Variants in CADM2 observed in about 807,000 individuals in gnomAD.
CADM2 encodes the protein cell adhesion molecule 2, also known as immunoglobulin superfamily member 4D.
CADM2 carries 12 observed loss-of-function variants against 49.8 expected under a neutral mutation model. That is an observed-to-expected ratio of 0.24 (90% CI 0.15 to 0.39). CADM2 has a LOEUF of 0.39. CADM2 is among the 10% of genes least tolerant of loss of function. The pLI, the probability that CADM2 is intolerant of heterozygous loss-of-function variation, is 1.00. For missense variants in CADM2, 378 were observed against 492.3 expected, an observed-to-expected ratio of 0.77 and a Z score of 2.20; for synonymous variants, 214 against 175.4, an observed-to-expected ratio of 1.22 and a Z score of -1.74.
chr3:85,532,820 T>C (rs2061344534), intron 1 of CADM2, among the ~76,000 whole-genome samples: 1 of 152,228 alleles, frequency 6.6e-6, no homozygotes, highest in Admixed American at 6.5e-5. Context: ...TGGAATACTA[T>C]GCAGCCATAA....
At chr3:85,146,128 T>C (rs940971162) in intron 1 of CADM2, among the ~76,000 whole-genome samples, 78 of 152,198 alleles carry the variant, frequency 5.1e-4, no homozygotes, top group Non-Finnish European at 1.9e-4. Flanking sequence ...TGCGAGTTAA[T>C]ATCTGTAAAC....
intron 8 of CADM2, among the ~76,000 whole-genome samples, chr3:86,049,638 C>CATCT (rs1360852925): frequency 1.3e-5 from 2 of 152,094 alleles, no homozygotes; most frequent in African/African-American, 2.4e-5. Flanking sequence ...GCGATGCTGC[C>CATCT]ATCTGCTCAG....
intron 1 of CADM2, among the ~76,000 whole-genome samples, chr3:85,386,963 C>T (rs2034264523): frequency 6.6e-6 from 1 of 152,136 alleles, no homozygotes; most frequent in Non-Finnish European, 1.5e-5. Flanking sequence ...TTACTTGTCC[C>T]TAACTTTACC....
intron 3 of CADM2, among the ~76,000 whole-genome samples, chr3:85,820,785 T>G (rs1386887848): frequency 6.6e-6 from 1 of 152,148 alleles, no homozygotes; most frequent in Admixed American, 6.6e-5. Context: ...TTATCAGGCT[T>G]GATGGCTTAA....
intron 1 of CADM2, among the ~76,000 whole-genome samples, chr3:85,651,943 G>C (rs1366834811): frequency 6.8e-6 from 1 of 146,760 alleles, no homozygotes; most frequent in Admixed American, 6.8e-5. Flanking sequence ...TTAGCCTCCC[G>C]AGTAGCTGGG....
chr3:85,259,135 G>A (rs550745966), intron 1 of CADM2, among the ~76,000 whole-genome samples: 27 of 152,246 alleles, frequency 1.8e-4, no homozygotes, highest in Admixed American at 5.2e-4. Flanking sequence ...TCCACTTTGG[G>A]AAGTGCAGTT....
chr3:85,706,259 C>G (rs1351684397), intron 1 of CADM2, among the ~76,000 whole-genome samples: 1 of 152,128 alleles, frequency 6.6e-6, no homozygotes, highest in African/African-American at 2.4e-5. Context: ...TCATGGGTTG[C>G]TCCCAATTTA....
chr3:86,008,076 A>T (rs1731009235), intron 8 of CADM2, among the ~76,000 whole-genome samples: 1 of 152,212 alleles, frequency 6.6e-6, no homozygotes, highest in Non-Finnish European at 1.5e-5. Context: ...CCAGCTAACC[A>T]CAGCATTCTC....
intron 1 of CADM2, among the ~76,000 whole-genome samples, chr3:85,508,821 A>T (rs1320860456): frequency 8.4e-6 from 1 of 119,210 alleles, no homozygotes; most frequent in Non-Finnish European, 1.7e-5. Context: ...TCCTGAAAGG[A>T]TATCTCTGTG....
chr3:85,511,829 T>C, intron 1 of CADM2: 1 of 961,692 alleles, frequency 1.0e-6, no homozygotes, highest in Non-Finnish European at 1.2e-6. Context: ...TTGAAACTAA[T>C]GGCATGTTTT....
intron 8 of CADM2, among the ~76,000 whole-genome samples, chr3:85,999,275 G>GGGT (rs1729843614): frequency 4.0e-5 from 6 of 151,280 alleles, no homozygotes; most frequent in African/African-American, 4.9e-5. Flanking sequence ...GAGGGTTGGG[G>GGGT]GGTGGATCAC....
chr3:85,160,798 C>A (rs901436920), intron 1 of CADM2, among the ~76,000 whole-genome samples: 20 of 152,238 alleles, frequency 1.3e-4, no homozygotes, highest in African/African-American at 4.1e-4. Flanking sequence ...ATATAACCAA[C>A]AAAGGAATTT....
At chr3:85,461,643 C>T (rs1325026947) in intron 1 of CADM2, among the ~76,000 whole-genome samples, 2 of 127,092 alleles carry the variant, frequency 1.6e-5, no homozygotes, top group Non-Finnish European at 3.6e-5. Flanking sequence ...GTTCTTACTG[C>T]CTTTCAGCTG....
chr3:85,024,580 A>C (rs181770611), intron 1 of CADM2, among the ~76,000 whole-genome samples: 3 of 152,186 alleles, frequency 2.0e-5, no homozygotes, highest in Non-Finnish European at 4.4e-5. Context: ...GTAACAAAAC[A>C]TATAAATGAA....
chr3:84,960,372 A>T (rs2030371639), intron 1 of CADM2: 1 of 152,242 alleles, frequency 6.6e-6, no homozygotes, highest in Admixed American at 6.5e-5. Context: ...GAGTGAATGA[A>T]TGAATAAATA....
chr3:85,942,450 C>T lies in CADM2; in HGVS notation c.791+6593C>T, dbSNP rs570771174. The stretch of plus-strand genomic sequence containing the variant: ...CTGCACCCACTAACTTGTCATCTAG[C>T]ATTAGGTATATCTCCCAGTGCTATC... On this transcript the variant is annotated intron_variant, in intron 7 of 9. Transcript: ENST00000383699. Among the ~76,000 whole-genome samples, 714 of 151,660 alleles carry T rather than the reference C, an allele frequency of 4.7e-3. 5 individuals are homozygous for T. The highest frequency in any genetic ancestry group is 0.016 in the African/African-American group (679 of 41,408).
intron 1 of CADM2, among the ~76,000 whole-genome samples, chr3:84,975,011 T>G (rs552654497): frequency 2.4e-4 from 36 of 151,946 alleles, no homozygotes; most frequent in African/African-American, 8.2e-4. Flanking sequence ...ATTTGAAATA[T>G]TACTAATTGC....
intron 1 of CADM2, among the ~76,000 whole-genome samples, chr3:85,652,096 C>G (rs764035830): frequency 6.6e-6 from 1 of 150,990 alleles, no homozygotes; most frequent in East Asian, 2.0e-4. Context: ...GGATTACAGG[C>G]GTGAGCCACT....
chr3:85,540,598 T>G (rs2061515905), intron 1 of CADM2, among the ~76,000 whole-genome samples: 1 of 152,172 alleles, frequency 6.6e-6, no homozygotes, highest in Admixed American at 6.5e-5. Context: ...TCCTCTGTAC[T>G]CTAGTACAAA....
Sources: gnomAD v4.1 joint callset for allele counts (sites outside exome capture counted in the v4.1 genomes callset) on GRCh38, gnomAD v4.1.1 for gene constraint, MANE v1.5 for transcripts, NCBI Gene and HGNC (gene_info 2026-07-23, HGNC 2026-07-21) for gene names.